The following FNDC3B variants were observed in gnomAD, a reference collection of about 807,000 sequenced individuals.
FNDC3B encodes the protein fibronectin type III domain containing 3B, also known as fibronectin type III domain-containing protein 3B.
In FNDC3B, 12 loss-of-function variants were observed where a neutral mutation model predicts 151.5. The observed-to-expected ratio is 0.08, with a 90% confidence interval of 0.05 to 0.13. FNDC3B has a LOEUF of 0.13. Ranked by LOEUF, FNDC3B falls within the 10% of genes least tolerant of loss-of-function variation. The probability of loss-of-function intolerance (pLI) is 1.00; values close to 1 mark genes in which losing one functional copy is unlikely to be tolerated. For synonymous variants in FNDC3B, 528 were observed against 549.0 expected (o/e 0.96, Z 0.54); for missense variants, 1,214 against 1,505.3 (o/e 0.81, Z 3.20).
chr3:172,344,033 G>T, intron 18 of FNDC3B, 53 bp from the exon 19 acceptor site: 1 of 1,529,360 alleles, frequency 6.5e-7, no homozygotes, highest in Non-Finnish European at 8.9e-7. Flanking sequence ...GGTGCACTTT[G>T]GTCAACTGGA....
chr3:172,114,795 T>TA (rs1365936639), intron 2 of FNDC3B, among the ~76,000 whole-genome samples: 2 of 152,214 alleles, frequency 1.3e-5, no homozygotes, highest in African/African-American at 2.4e-5. Flanking sequence ...TCTCTAAAGC[T>TA]AATAAGAAGA....
chr3:172,205,540 T>C (rs1725380582), intron 3 of FNDC3B, among the ~76,000 whole-genome samples: 1 of 152,234 alleles, frequency 6.6e-6, no homozygotes, highest in Non-Finnish European at 1.5e-5. Flanking sequence ...CAACTAGTCA[T>C]TTGTGGAGTG....
At chr3:172,181,099 A>G (rs1382960002) in intron 3 of FNDC3B, among the ~76,000 whole-genome samples, 1 of 54,672 alleles carries the variant, frequency 1.8e-5, no homozygotes, top group African/African-American at 1.9e-4. Flanking sequence ...CTAAGTAGAT[A>G]TATTCTAAGA....
In FNDC3B at chr3:172,343,103, C is replaced by A; in HGVS notation, c.2064C>A (p.Val688=). The A allele has an allele frequency of 6.3e-7, 1 of 1,590,566 alleles. No individual in the cohort carries two copies. The highest frequency in any genetic ancestry group is 8.6e-7 in the Non-Finnish European group (1 of 1,158,958). Reference sequence around the variant, plus strand: ...TGGGTAGACCAAAGCACAAAGAAGTCCACTTAGAGTGGGGTGAGTGAACTA... The same window carrying A: ...TGGGTAGACCAAAGCACAAAGAAGTACACTTAGAGTGGGGTGAGTGAACTA... ...RVLGRPKHKE[V]HLEWDVPASE... Residue 688 remains valine, a synonymous_variant, in exon 18 of 26, where the codon GTC becomes GTA. Coordinates refer to ENST00000415807, the MANE Select transcript of FNDC3B (RefSeq NM_022763.4).
At position 172,039,653 on chromosome 3, in the gene FNDC3B, AGCG is replaced by A; in HGVS notation, c.-136_-134del. On this transcript the variant is annotated 5_prime_UTR_variant, in exon 1 of 26. Coordinates refer to ENST00000415807, the MANE Select transcript of FNDC3B (RefSeq NM_022763.4). ...GCGGCGGCGGCGGCTGGAGGAGGAGAGCGGCGGCGGCGGGAGCAGCGAAGGGGG... is the reference window on the plus strand; with the variant it reads ...GCGGCGGCGGCGGCTGGAGGAGGAGAGCGGCGGCGGGAGCAGCGAAGGGGG... The A allele has an allele frequency of 1.4e-4, 23 of 164,542 alleles. No homozygotes were observed. The highest frequency in any genetic ancestry group is 2.5e-4 in the Non-Finnish European group (19 of 77,340). The allele number at this position is 164,542 out of a possible 1,614,324, so 10.2% of individuals were successfully genotyped here. A position where few individuals can be genotyped will look rare whatever the true frequency, so the allele number is the denominator to read the frequency against.
Position 172,356,374 on chromosome 3 carries a change from A to T in FNDC3B, c.2795+3291A>T, listed in dbSNP as rs117903962. On this transcript the variant is annotated intron_variant, in intron 22 of 25. Transcript: ENST00000415807. Reference sequence around the variant, plus strand: ...CTTAACAGAGTTGTTGGGTATTTTGATAAGAGGTCAGGTACCTAGTATGGG... The same window carrying T: ...CTTAACAGAGTTGTTGGGTATTTTGTTAAGAGGTCAGGTACCTAGTATGGG... 3.4e-3 allele frequency among the ~76,000 whole-genome samples: 514 copies of T among 152,338 alleles called. 9 individuals are homozygous for T. The highest frequency in any genetic ancestry group is 0.028 in the Admixed American group (432 of 15,304).
In FNDC3B at chr3:172,188,984, G is replaced by A. The variant is rs142950126; in HGVS notation, c.188-37887G>A. 3.1e-3 allele frequency among the ~76,000 whole-genome samples: 477 copies of A among 152,194 alleles called. 2 individuals carry two copies. The highest frequency in any genetic ancestry group is 0.011 in the African/African-American group (461 of 41,524). ...TGCTTGGGTGTTTTCCTCACTATGG[G>A]AAGAAGAACCCTAAGAATGAATCAT... On this transcript the variant is annotated intron_variant, in intron 3 of 25. Coordinates refer to ENST00000415807, the MANE Select transcript of FNDC3B (RefSeq NM_022763.4).
rs550323917 is a variant in FNDC3B at position 172,369,697 on chromosome 3, G to A, written c.3008+6852G>A. Reference sequence around the variant, plus strand: ...GCTGTTGGCACGTTCATGCTTAGTCGGTAAACGGGGACTCTTGCCAACATC... The same window carrying A: ...GCTGTTGGCACGTTCATGCTTAGTCAGTAAACGGGGACTCTTGCCAACATC... On this transcript the variant is annotated intron_variant, in intron 23 of 25. Transcript: ENST00000415807. Among the ~76,000 whole-genome samples the A allele has an allele frequency of 6.6e-5, 10 of 152,164 alleles. No homozygotes were observed. In the South Asian group the frequency reaches 1.0e-3, roughly 16 times the overall value.
At chr3:172,041,383 C>A (rs199676181) in intron 1 of FNDC3B, among the ~76,000 whole-genome samples, 6 of 137,994 alleles carry the variant, frequency 4.3e-5, no homozygotes, top group South Asian at 2.3e-4. Flanking sequence ...TTCTTTCTTT[C>A]TTTTTCTTTC....
chr3:172,147,805 G>C (rs1209212008), intron 3 of FNDC3B, among the ~76,000 whole-genome samples: 1 of 152,000 alleles, frequency 6.6e-6, no homozygotes, highest in African/African-American at 2.4e-5. Flanking sequence ...TGTAAGAGAA[G>C]GGTATTTACA....
chr3:172,073,410 C>T (rs1396879839), intron 1 of FNDC3B, among the ~76,000 whole-genome samples: 2 of 152,172 alleles, frequency 1.3e-5, no homozygotes, highest in East Asian at 3.9e-4. Flanking sequence ...AAGTATTGGA[C>T]AGCAGGTGAA....
At chr3:172,383,602 G>A (rs2108377468) in intron 25 of FNDC3B, among the ~76,000 whole-genome samples, 1 of 152,286 alleles carries the variant, frequency 6.6e-6, no homozygotes, top group East Asian at 1.9e-4. Flanking sequence ...GACCTGGTAG[G>A]TCTTGGGTGG....
intron 1 of FNDC3B, among the ~76,000 whole-genome samples, chr3:172,058,104 T>C (rs182442714): frequency 3.3e-5 from 5 of 152,334 alleles, no homozygotes; most frequent in Admixed American, 3.3e-4. Flanking sequence ...ATTGGCACAA[T>C]TGTGGACGTT....
Position 172,342,953 on chromosome 3 carries a change from G to A in FNDC3B, c.1972-58G>A, listed in dbSNP as rs1197382158. ...TGGGGTGGAATTTGCCTGATATGTA[G>A]AGGTCTGATAAATTCACAGTAACTA... On this transcript the variant is annotated intron_variant, in intron 17 of 25. Transcript: ENST00000415807. The A allele has an allele frequency of 1.3e-5, 14 of 1,049,656 alleles. No individual in the cohort carries two copies. In the Admixed American group the frequency reaches 1.9e-4, roughly 14 times the overall value. 65.0% of individuals were successfully genotyped at this position (1,049,656 alleles called of 1,614,324 possible).
chr3:172,385,114 C>G (rs950630155), intron 25 of FNDC3B, among the ~76,000 whole-genome samples: 1 of 151,736 alleles, frequency 6.6e-6, no homozygotes, highest in Non-Finnish European at 1.5e-5. Flanking sequence ...CAAACATTAA[C>G]TTAAACATGA....
In FNDC3B at chr3:172,286,004, C is replaced by T. The variant is rs371587209; in HGVS notation, c.849+20C>T. On this transcript the variant is annotated intron_variant, in intron 7 of 25. Coordinates refer to ENST00000415807, the MANE Select transcript of FNDC3B (RefSeq NM_022763.4). ...CCACAGGTATGTCTTCTGGATTTCT[C>T]AGCATAAATGACACTTTTTAAAGTA... 51 of 1,574,682 alleles carry T rather than the reference C, an allele frequency of 3.2e-5. No individual in the cohort carries two copies. In the African/African-American group the frequency reaches 6.2e-4, roughly 19 times the overall value.
At chr3:172,380,861 A>G (rs755124789) in intron 24 of FNDC3B, 105 bp from the exon 25 acceptor site, 1 of 1,317,894 alleles carries the variant, frequency 7.6e-7, no homozygotes, top group Non-Finnish European at 1.1e-6. Flanking sequence ...GGGCAAACAC[A>G]GGCACAATCT....
At chr3:172,055,907 A>G (rs541581234) in intron 1 of FNDC3B, among the ~76,000 whole-genome samples, 101 of 151,926 alleles carry the variant, frequency 6.6e-4, no homozygotes, top group Admixed American at 2.2e-3. Context: ...CAGCCTCCTG[A>G]GTAGCTGGGA....
intron 9 of FNDC3B, among the ~76,000 whole-genome samples, chr3:172,305,638 T>A (rs1292634503): frequency 6.6e-6 from 1 of 152,008 alleles, no homozygotes; most frequent in East Asian, 1.9e-4. Context: ...ATTGCCTGTA[T>A]CTTTTAATTC....
Sources: gnomAD v4.1 joint callset for allele counts (sites outside exome capture counted in the v4.1 genomes callset) on GRCh38, gnomAD v4.1.1 for gene constraint, MANE v1.5 for transcripts, NCBI Gene and HGNC (gene_info 2026-07-23, HGNC 2026-07-21) for gene names.